NTM: variants seen among roughly 807,000 people sequenced by gnomAD.
NTM encodes the protein IgLON family member 2.
In NTM, 13 loss-of-function variants were observed where a neutral mutation model predicts 42.1. That is an observed-to-expected ratio of 0.31 (90% CI 0.20 to 0.49). The LOEUF (loss-of-function observed/expected upper bound fraction) is 0.49. Among genes scored for constraint, NTM ranks in the 20% least tolerant of loss-of-function variants. The pLI is 0.99. For synonymous variants in NTM, 187 were observed against 179.2 expected (o/e 1.04, Z -0.35); for missense variants, 373 against 452.8 (o/e 0.82, Z 1.60).
chr11:131,607,184 C>T (rs375316261), intron 1 of NTM, among the ~76,000 whole-genome samples: 1 of 152,150 alleles, frequency 6.6e-6, no homozygotes, highest in Non-Finnish European at 1.5e-5. Context: ...AAAAAAGACA[C>T]AATTTATGGC....
chr11:132,096,129 A>T (rs982298901), intron 2 of NTM, among the ~76,000 whole-genome samples: 1 of 152,058 alleles, frequency 6.6e-6, no homozygotes, highest in African/African-American at 2.4e-5. Flanking sequence ...CTTCAACACC[A>T]TTCCATTGAC....
At chr11:132,153,787 A>G (rs56897059) in intron 3 of NTM, among the ~76,000 whole-genome samples, 4,799 of 152,306 alleles carry the variant, frequency 0.032, 280 homozygotes, top group African/African-American at 0.11. Context: ...AGATTCAGAC[A>G]GAGCTCCTGC....
chr11:131,918,726 C>T (rs2056790212), intron 2 of NTM, among the ~76,000 whole-genome samples: 1 of 152,092 alleles, frequency 6.6e-6, no homozygotes, highest in African/African-American at 2.4e-5. Context: ...CCCTCCTTGT[C>T]GTGGTGCACA....
In NTM at chr11:131,946,292, T is replaced by G. The variant is rs543581077; in HGVS notation, c.167+34644T>G. Among the ~76,000 whole-genome samples, 18 of 152,176 alleles carry G rather than the reference T, an allele frequency of 1.2e-4. 1 individual carries two copies. The South Asian group carries it at 3.7e-3, about 32-fold the overall frequency. ...GGGCTGGACAGACATATGTGCTTTT[T>G]AAACAAGAATCTTTCTGAAACCTGG... On this transcript the variant is annotated intron_variant, in intron 2 of 8. Coordinates refer to ENST00000683400, the MANE Select transcript of NTM (RefSeq NM_001352005.2).
intron 2 of NTM, among the ~76,000 whole-genome samples, chr11:132,077,369 C>G (rs2058500107): frequency 6.6e-6 from 1 of 152,168 alleles, no homozygotes; most frequent in African/African-American, 2.4e-5. Flanking sequence ...GGAGGAAGAT[C>G]TCAATAAAAG....
At chr11:131,923,521 A>C (rs1157374315) in intron 2 of NTM, among the ~76,000 whole-genome samples, 2 of 152,214 alleles carry the variant, frequency 1.3e-5, no homozygotes, top group African/African-American at 4.8e-5. Context: ...GGAATGAGAC[A>C]TTGAGGAGGA....
At chr11:131,951,512 G>A (rs2060980177) in intron 2 of NTM, among the ~76,000 whole-genome samples, 1 of 152,138 alleles carries the variant, frequency 6.6e-6, no homozygotes, top group Admixed American at 6.5e-5. Flanking sequence ...CAAAGATAGA[G>A]GCCTGCAGGA....
At chr11:131,663,915 T>A (rs2068538101) in intron 1 of NTM, among the ~76,000 whole-genome samples, 1 of 152,232 alleles carries the variant, frequency 6.6e-6, no homozygotes, top group African/African-American at 2.4e-5. Context: ...CAAGGTCACA[T>A]GACCTTGAAG....
intron 2 of NTM, among the ~76,000 whole-genome samples, chr11:132,101,555 CTTGTGT>C (rs1244082580): frequency 2.7e-5 from 4 of 150,270 alleles, no homozygotes; most frequent in African/African-American, 4.9e-5. Context: ...GGAACACAAC[CTTGTGT>C]GTGTGTGTGT....
intron 1 of NTM, among the ~76,000 whole-genome samples, chr11:131,652,922 T>C (rs1390557389): frequency 6.6e-6 from 1 of 152,194 alleles, no homozygotes; most frequent in South Asian, 2.1e-4. Context: ...ACCTGCACAA[T>C]TGCCTTCATC....
chr11:132,334,986 C>G, intron 8 of NTM, 60 bp from the exon 9 acceptor site: 1 of 1,585,986 alleles, frequency 6.3e-7, no homozygotes, highest in Non-Finnish European at 8.6e-7. Context: ...ACCAGGCAAC[C>G]ACCGGGCTTT....
chr11:131,831,136 T>C (rs1360029714), intron 1 of NTM, among the ~76,000 whole-genome samples: 1 of 152,206 alleles, frequency 6.6e-6, no homozygotes, highest in Non-Finnish European at 1.5e-5. Context: ...ACTTCTTTTT[T>C]TCCTATTTGG....
intron 2 of NTM, among the ~76,000 whole-genome samples, chr11:132,138,331 A>G (rs181777724): frequency 5.0e-4 from 76 of 152,264 alleles, no homozygotes; most frequent in African/African-American, 1.7e-3. Context: ...TTGCAGAGAA[A>G]AGCTTGCCGG....
At chr11:132,225,245 A>C (rs2085969875) in intron 4 of NTM, among the ~76,000 whole-genome samples, 1 of 152,124 alleles carries the variant, frequency 6.6e-6, no homozygotes, top group Non-Finnish European at 1.5e-5. Context: ...ATGGGAGTGT[A>C]GGCAATATTC....
rs141660042 is a variant in NTM at position 131,782,882 on chromosome 11, G to A, written c.83-128682G>A. ...AAACCTATAGCTATTATCATACTTC[G>A]TAGAGGACGGAATGAATACTTTCCC... On this transcript the variant is annotated intron_variant, in intron 1 of 8. Coordinates refer to ENST00000683400, the MANE Select transcript of NTM (RefSeq NM_001352005.2). 3.5e-4 allele frequency among the ~76,000 whole-genome samples: 54 copies of A among 152,172 alleles called. 1 individual carries two copies. In the East Asian group the frequency reaches 4.6e-3, roughly 13 times the overall value.
At chr11:131,726,108 AC>A (rs1453210082) in intron 1 of NTM, among the ~76,000 whole-genome samples, 3 of 152,206 alleles carry the variant, frequency 2.0e-5, no homozygotes, top group African/African-American at 7.2e-5. Context: ...AGGATTTTGA[AC>A]AGGAAAAAAT....
chr11:131,838,521 T>C (rs1252567256), intron 1 of NTM, among the ~76,000 whole-genome samples: 2 of 152,198 alleles, frequency 1.3e-5, no homozygotes, highest in Non-Finnish European at 2.9e-5. Flanking sequence ...AGGGAAATAA[T>C]AATGTCTATC....
intron 1 of NTM, among the ~76,000 whole-genome samples, chr11:131,689,647 C>T (rs368725716): frequency 6.6e-6 from 1 of 152,174 alleles, no homozygotes; most frequent in Non-Finnish European, 1.5e-5. Context: ...TGGGCCTCAG[C>T]AGCCTTCTGA....
At chr11:132,315,927 A>G (rs1276521269) in intron 7 of NTM, among the ~76,000 whole-genome samples, 4 of 151,510 alleles carry the variant, frequency 2.6e-5, no homozygotes, top group African/African-American at 9.8e-5. Context: ...AGCCCCTTGC[A>G]TTTTTCATGC....
Sources: allele counts gnomAD v4.1 joint callset (sites outside exome capture counted in the v4.1 genomes callset), GRCh38; gene constraint gnomAD v4.1.1; transcripts MANE v1.5; gene names NCBI Gene and HGNC (gene_info 2026-07-23, HGNC 2026-07-21).